The following DZANK1 variants were observed in gnomAD, a reference collection of about 807,000 sequenced individuals.
The protein encoded by DZANK1 is double zinc ribbon and ankyrin repeat domains 1.
Under a neutral mutation model 94.5 loss-of-function variants are expected in DZANK1, and 91 were observed. The ratio of observed to expected loss-of-function variants is 0.96; its 90% CI spans 0.81 to 1.15. The LOEUF is 1.15. DZANK1 is among the 50% of genes most tolerant of loss of function. The probability of loss-of-function intolerance (pLI) is 0.00; values close to 1 mark genes in which losing one functional copy is unlikely to be tolerated. For missense variants in DZANK1, 903 were observed against 916.4 expected (o/e 0.99, Z 0.19); for synonymous variants, 312 against 325.3 (o/e 0.96, Z 0.44).
chr20:18,403,852 T>C (rs1488181012), intron 13 of DZANK1, among the ~76,000 whole-genome samples: 1 of 142,160 alleles, frequency 7.0e-6, no homozygotes, highest in Non-Finnish European at 1.5e-5. Context: ...CAGGTAGGAG[T>C]GCAGTGGCAT....
chr20:18,452,518 G>T, intron 6 of DZANK1, 97 bp downstream of exon 6: 1 of 1,384,244 alleles, frequency 7.2e-7, no homozygotes, highest in Non-Finnish European at 9.7e-7. Context: ...CTGGCACATG[G>T]TCAAAAGTGG....
rs376940863 is a variant in DZANK1 at position 18,393,809 on chromosome 20, T to C, written c.1711A>G (p.Ser571Gly). ...TCTGAGGTACTCTGGCTGTAGTCAC[T>C]CACTGAAATGACACAGTTGGGGAAA... Residue 571 changes from serine to glycine, a missense_variant and splice_region_variant, in exon 17 of 21, where the codon AGT (serine) becomes GGT (glycine). Physicochemically the swap from Ser to Gly is moderately conservative, Grantham distance 56 (BLOSUM62 0). Coordinates refer to ENST00000262547, the Ensembl canonical transcript of DZANK1. 2.6e-5 allele frequency: 42 copies of C among 1,607,746 alleles called. No individual in the cohort carries two copies. In the Middle Eastern group the frequency reaches 5.0e-4, roughly 19 times the overall value.
intron 19 of DZANK1, among the ~76,000 whole-genome samples, chr20:18,388,914 C>A (rs1032554972): frequency 6.6e-6 from 1 of 152,180 alleles, no homozygotes; most frequent in African/African-American, 2.4e-5. Flanking sequence ...AAGTACACAG[C>A]AGAATGTTCC....
intron 10 of DZANK1, chr20:18,420,955 A>C (rs1026103201): frequency 6.4e-6 from 1 of 157,106 alleles, no homozygotes; most frequent in African/African-American, 2.4e-5. Flanking sequence ...CCATCACTGC[A>C]GCTAAAAAGG....
intron 10 of DZANK1, among the ~76,000 whole-genome samples, chr20:18,423,513 A>AT (rs2057892093): frequency 6.6e-6 from 1 of 152,220 alleles, no homozygotes; most frequent in Admixed American, 6.5e-5. Context: ...ATACGCAACA[A>AT]TGACAGAACA....
intron 15 of DZANK1, among the ~76,000 whole-genome samples, chr20:18,395,685 A>G (rs1181466762): frequency 6.6e-6 from 1 of 152,146 alleles, no homozygotes; most frequent in African/African-American, 2.4e-5. Flanking sequence ...CTAAAGCTCA[A>G]CTTTGCTTTT....
intron 3 of DZANK1, among the ~76,000 whole-genome samples, chr20:18,458,005 T>C (rs957882121): frequency 1.3e-5 from 2 of 152,248 alleles, no homozygotes; most frequent in Non-Finnish European, 2.9e-5. Context: ...GTCCTTTCCA[T>C]GTGATTATGG....
chr20:18,404,915 G>GA (rs1296165874), intron 13 of DZANK1, among the ~76,000 whole-genome samples: 2,500 of 129,072 alleles, frequency 0.019, 22 homozygotes, highest in African/African-American at 0.032. Context: ...TTGACTCTTA[G>GA]AAAAAAAAAA....
intron 13 of DZANK1, among the ~76,000 whole-genome samples, chr20:18,400,955 A>C (rs576178369): frequency 6.6e-6 from 1 of 151,676 alleles, no homozygotes; most frequent in Non-Finnish European, 1.5e-5. Context: ...TTTTTTTTTT[A>C]GACGGAGTCT....
intron 10 of DZANK1, among the ~76,000 whole-genome samples, chr20:18,422,799 CTTTTT>C (rs55683540): frequency 1.6e-5 from 2 of 124,854 alleles, no homozygotes; most frequent in African/African-American, 5.8e-5. Flanking sequence ...TGGCTTTGTT[CTTTTT>C]TTTTTTTTTT....
intron 12 of DZANK1, 38 bp downstream of exon 12, chr20:18,414,309 CT>C: frequency 6.2e-7 from 1 of 1,608,834 alleles, no homozygotes; most frequent in Non-Finnish European, 8.5e-7. Flanking sequence ...GTTACAGCCT[CT>C]TCCTGGGTAC....
At chr20:18,398,459 C>T in intron 14 of DZANK1, 64 bp downstream of exon 14, 1 of 1,479,052 alleles carries the variant, frequency 6.8e-7, no homozygotes, top group Non-Finnish European at 9.5e-7. Flanking sequence ...AGGCAAAGTC[C>T]ATGGAGGGTT....
chr20:18,442,898 T>C (rs2058755353), intron 8 of DZANK1, among the ~76,000 whole-genome samples: 1 of 152,220 alleles, frequency 6.6e-6, no homozygotes, highest in Non-Finnish European at 1.5e-5. Context: ...CTATCCTAAA[T>C]CAGCCAAAGC....
intron 17 of DZANK1, 145 bp downstream of exon 17, chr20:18,393,566 C>G (rs1349383491): frequency 8.7e-6 from 5 of 574,660 alleles, no homozygotes; most frequent in South Asian, 5.0e-5. Flanking sequence ...TTAAAGAAGT[C>G]TAAAGGACAA....
intron 6 of DZANK1, among the ~76,000 whole-genome samples, chr20:18,451,563 A>G (rs1038293492): frequency 6.6e-5 from 10 of 152,128 alleles, no homozygotes; most frequent in Admixed American, 6.5e-4. Flanking sequence ...GAATATTTCC[A>G]TATTTCTAAG....
chr20:18,439,636 A>G (rs2058657037), intron 8 of DZANK1, among the ~76,000 whole-genome samples: 1 of 152,174 alleles, frequency 6.6e-6, no homozygotes, highest in African/African-American at 2.4e-5. Flanking sequence ...TCCTCTAAAT[A>G]GCAGCATCCC....
intron 4 of DZANK1, 132 bp downstream of exon 4, chr20:18,455,115 T>C: frequency 1.6e-6 from 1 of 643,310 alleles, no homozygotes; most frequent in Non-Finnish European, 2.7e-6. Context: ...TTTGCAATGG[T>C]TGATAATGAC....
intron 6 of DZANK1, among the ~76,000 whole-genome samples, chr20:18,449,599 C>CA (rs971937761): frequency 3.4e-4 from 51 of 149,812 alleles, no homozygotes; most frequent in Admixed American, 1.5e-3. Context: ...ACTAAAAATA[C>CA]AAAAAAAAAT....
intron 7 of DZANK1, among the ~76,000 whole-genome samples, chr20:18,446,187 G>A (rs956983697): frequency 1.3e-5 from 2 of 152,160 alleles, no homozygotes; most frequent in Non-Finnish European, 1.5e-5. Context: ...TGAGGCTGCT[G>A]TGAGCTATGA....
Sources: gnomAD v4.1 joint callset for allele counts (sites outside exome capture counted in the v4.1 genomes callset) on GRCh38, gnomAD v4.1.1 for gene constraint, MANE v1.5 for transcripts, NCBI Gene and HGNC (gene_info 2026-07-23, HGNC 2026-07-21) for gene names.